Variants in IGF1 observed in about 807,000 individuals in gnomAD.
IGF1 encodes the protein insulin-like growth factor 1.
IGF1 carries 4 observed loss-of-function variants against 13.8 expected under a neutral mutation model. The observed-to-expected ratio is 0.29, with a 90% CI of 0.14 to 0.66. The LOEUF is 0.66. IGF1 is among the 30% of genes least tolerant of loss of function. The probability of loss-of-function intolerance (pLI) is 0.78; values close to 1 mark genes in which losing one functional copy is unlikely to be tolerated. For synonymous variants in IGF1, 76 were observed against 72.6 expected (o/e 1.05, Z -0.23); for missense variants, 124 against 188.5 (o/e 0.66, Z 2.00).
At chr12:102,438,910 T>C (rs1005925260) in intron 2 of IGF1, among the ~76,000 whole-genome samples, 1 of 152,216 alleles carries the variant, frequency 6.6e-6, no homozygotes. Flanking sequence ...CATCCTATTA[T>C]TTCTTTCAAA....
At position 102,399,071 on chromosome 12, in the gene IGF1, ATTTCT is replaced by A. The variant is rs1023017934; in HGVS notation, c.*3431_*3435del. 11 of 146,950 alleles carry A rather than the reference ATTTCT, an allele frequency of 7.5e-5. No individual in the cohort carries two copies. The highest frequency in any genetic ancestry group is 2.0e-4 in the East Asian group (1 of 5,004). 9.1% of individuals were successfully genotyped at this position (146,950 alleles called of 1,614,324 possible). A position where few individuals can be genotyped will look rare whatever the true frequency, so the allele number is the denominator to read the frequency against. ...TTTTAATAAAATTTTCAAGGAAGTG[ATTTCT>A]TTTCAGTATTCCATTGGATCCTTAG... is the stretch of plus-strand genomic sequence containing the variant. On this transcript the variant is annotated 3_prime_UTR_variant, in exon 4 of 4. Coordinates refer to ENST00000337514, the MANE Select transcript of IGF1 (RefSeq NM_000618.5).
intron 2 of IGF1, among the ~76,000 whole-genome samples, chr12:102,440,321 G>A (rs890454630): frequency 3.9e-5 from 6 of 152,196 alleles, no homozygotes; most frequent in East Asian, 1.9e-4. Context: ...ACTGGGATGG[G>A]CCTGCTTCTC....
chr12:102,407,094 C>CAAAAAAAAA (rs57468885), intron 3 of IGF1, among the ~76,000 whole-genome samples: 44 of 100,982 alleles, frequency 4.4e-4, no homozygotes, highest in Non-Finnish European at 7.9e-4. Flanking sequence ...ACTCTGTCTC[C>CAAAAAAAAA]AAAAAAAAAA....
At chr12:102,402,667 A>G in intron 3 of IGF1, 101 bp from the exon 4 acceptor site, 1 of 761,878 alleles carries the variant, frequency 1.3e-6, no homozygotes, top group Non-Finnish European at 2.4e-6. Flanking sequence ...ACGCCTTACC[A>G]GTTGAGCTAA....
Position 102,419,515 on chromosome 12 carries a change from G to T in IGF1, c.396C>A (p.Thr132=). 1 of 1,612,912 alleles carries T rather than the reference G, an allele frequency of 6.2e-7. No individual in the cohort carries two copies. ...RAQRHTDMPK[T]QKEVHLKNAS... is the part of the protein sequence containing the mutation. Reference sequence around the variant, plus strand: ...CCCACCCAGGTGGGCTTACCTTCTGGGTCTTGGGCATGTCGGTGTGGCGCT... The same window carrying T: ...CCCACCCAGGTGGGCTTACCTTCTGTGTCTTGGGCATGTCGGTGTGGCGCT... Residue 132 remains threonine (T), a synonymous_variant, in exon 3 of 4, where the codon ACC becomes ACA. Coordinates refer to ENST00000337514, the MANE Select transcript of IGF1 (RefSeq NM_000618.5).
chr12:102,478,335 C>T (rs1172488123), intron 1 of IGF1, among the ~76,000 whole-genome samples: 1 of 149,564 alleles, frequency 6.7e-6, no homozygotes, highest in Non-Finnish European at 1.5e-5. Flanking sequence ...AATCAGAAAA[C>T]ACTTTCTCAA....
chr12:102,458,939 AC>A (rs1290597330), intron 2 of IGF1, among the ~76,000 whole-genome samples: 1 of 152,112 alleles, frequency 6.6e-6, no homozygotes, highest in African/African-American at 2.4e-5. Flanking sequence ...TCATTTGTAA[AC>A]TTGGTGAGTC....
chr12:102,462,180 A>G (rs1879951103), intron 2 of IGF1, among the ~76,000 whole-genome samples: 1 of 152,210 alleles, frequency 6.6e-6, no homozygotes, highest in South Asian at 2.1e-4. Flanking sequence ...CCCTTAGACA[A>G]TTTGTTAATC....
At chr12:102,465,583 T>C (rs1176092665) in intron 2 of IGF1, among the ~76,000 whole-genome samples, 1 of 152,172 alleles carries the variant, frequency 6.6e-6, no homozygotes. Context: ...CTTTTTCACT[T>C]GTGAGGAATT....
At chr12:102,402,602 T>G in intron 3 of IGF1, 36 bp from the exon 4 acceptor site, 1 of 780,188 alleles carries the variant, frequency 1.3e-6, no homozygotes, top group Non-Finnish European at 2.4e-6. Context: ...ATTAACTTGA[T>G]GAAGTTTTAT....
In IGF1 at chr12:102,398,653, C is replaced by G. The variant is rs1003780870; in HGVS notation, c.*3854G>C. 6.6e-6 allele frequency: 1 copy of G among 152,098 alleles called. No individual in the cohort carries two copies. Among genetic ancestry groups the G allele is most frequent in the African/African-American group, 2.4e-5 (1 of 41,426 alleles). 9.4% of individuals were successfully genotyped at this position (152,098 alleles called of 1,614,324 possible). ...ACCCCCAAATTCACAATTTGGTGAA[C>G]AGTACACTACTTGTGAGTGATAAAA... On this transcript the variant is annotated 3_prime_UTR_variant, in exon 4 of 4. Transcript: ENST00000337514.
chr12:102,469,821 T>C (rs1880576717), intron 2 of IGF1, among the ~76,000 whole-genome samples: 1 of 152,056 alleles, frequency 6.6e-6, no homozygotes, highest in Non-Finnish European at 1.5e-5. Context: ...GAAGCAATAA[T>C]CTTTGCCCAC....
intron 2 of IGF1, among the ~76,000 whole-genome samples, chr12:102,434,322 C>T (rs887889708): frequency 3.6e-5 from 5 of 137,274 alleles, no homozygotes; most frequent in African/African-American, 1.4e-4. Flanking sequence ...ACAACAGTCC[C>T]CAGAGTGTGA....
intron 3 of IGF1, among the ~76,000 whole-genome samples, chr12:102,414,709 C>A (rs1354600838): frequency 3.3e-5 from 5 of 152,192 alleles, no homozygotes; most frequent in Non-Finnish European, 7.3e-5. Flanking sequence ...CAGGCATGAG[C>A]CACTGTGCCC....
chr12:102,476,701 C>G (rs576156592), intron 1 of IGF1, among the ~76,000 whole-genome samples: 2 of 152,254 alleles, frequency 1.3e-5, no homozygotes, highest in East Asian at 3.9e-4. Context: ...GGCTTCATCT[C>G]TTGGAGGGAC....
chr12:102,433,501 A>G (rs953693329), intron 2 of IGF1, among the ~76,000 whole-genome samples: 1 of 152,242 alleles, frequency 6.6e-6, no homozygotes, highest in African/African-American at 2.4e-5. Flanking sequence ...TGATGACCTC[A>G]TTCCCATTAA....
intron 1 of IGF1, among the ~76,000 whole-genome samples, chr12:102,476,342 C>T (rs1181055607): frequency 6.6e-6 from 1 of 150,772 alleles, no homozygotes; most frequent in Non-Finnish European, 1.5e-5. Context: ...TTTACTATGG[C>T]CAAAAAATGG....
chr12:102,474,175 G>C (rs1880868060), intron 2 of IGF1, among the ~76,000 whole-genome samples: 1 of 152,174 alleles, frequency 6.6e-6, no homozygotes, highest in Non-Finnish European at 1.5e-5. Context: ...ATGTCCCACA[G>C]TTATCTTCCA....
At position 102,399,080 on chromosome 12, in the gene IGF1, C is replaced by G. The variant is rs1428697916; in HGVS notation, c.*3427G>C. ...AATTTTCAAGGAAGTGATTTCTTTT[C>G]AGTATTCCATTGGATCCTTAGGGTG... is the stretch of plus-strand genomic sequence containing the variant. On this transcript the variant is annotated 3_prime_UTR_variant, in exon 4 of 4. Transcript: ENST00000337514. 6.7e-6 allele frequency: 1 copy of G among 149,210 alleles called. No individual in the cohort carries two copies. The highest frequency in any genetic ancestry group is 1.5e-5 in the Non-Finnish European group (1 of 67,472). 9.2% of individuals were successfully genotyped at this position (149,210 alleles called of 1,614,324 possible). A position where few individuals can be genotyped will look rare whatever the true frequency, so the allele number is the denominator to read the frequency against.
Sources: gnomAD v4.1 joint callset for allele counts (sites outside exome capture counted in the v4.1 genomes callset) on GRCh38, gnomAD v4.1.1 for gene constraint, MANE v1.5 for transcripts, NCBI Gene and HGNC (gene_info 2026-07-23, HGNC 2026-07-21) for gene names.